Variants in CLSTN2 observed in about 807,000 individuals in gnomAD.
The protein encoded by CLSTN2 is calsyntenin-2.
Under a neutral mutation model 101.2 loss-of-function variants are expected in CLSTN2, and 48 were observed. The observed-to-expected ratio is 0.47, with a 90% CI of 0.38 to 0.60. The LOEUF (loss-of-function observed/expected upper bound fraction) is 0.60. CLSTN2 is among the 20% of genes least tolerant of loss of function. The probability of loss-of-function intolerance (pLI) is 0.00; values close to 1 mark genes in which losing one functional copy is unlikely to be tolerated. For missense variants in CLSTN2, 1,160 were observed against 1,238.2 expected (o/e 0.94, Z 0.95); for synonymous variants, 481 against 463.6 (o/e 1.04, Z -0.48).
chr3:140,182,085 C>A (rs1045833657), intron 2 of CLSTN2, among the ~76,000 whole-genome samples: 2 of 152,160 alleles, frequency 1.3e-5, no homozygotes, highest in Non-Finnish European at 2.9e-5. Context: ...AAGACATCTT[C>A]AATACCACTC....
intron 1 of CLSTN2, among the ~76,000 whole-genome samples, chr3:140,153,370 A>G (rs549523888): frequency 1.3e-5 from 2 of 152,254 alleles, no homozygotes; most frequent in Non-Finnish European, 2.9e-5. Context: ...GGCTGGAGCC[A>G]CCTCCTTGCA....
At chr3:140,272,563 A>T (rs2107890711) in intron 2 of CLSTN2, among the ~76,000 whole-genome samples, 1 of 152,298 alleles carries the variant, frequency 6.6e-6, no homozygotes, top group African/African-American at 2.4e-5. Context: ...CAGCCTGGCC[A>T]ACATGCCAAA....
At chr3:140,200,068 G>C (rs2010698664) in intron 2 of CLSTN2, among the ~76,000 whole-genome samples, 1 of 152,174 alleles carries the variant, frequency 6.6e-6, no homozygotes, top group African/African-American at 2.4e-5. Context: ...CATGAAGGCA[G>C]TTCAGATTTA....
At chr3:140,258,873 T>C (rs2086625773) in intron 2 of CLSTN2, among the ~76,000 whole-genome samples, 1 of 152,210 alleles carries the variant, frequency 6.6e-6, no homozygotes, top group South Asian at 2.1e-4. Context: ...GAATTATCTT[T>C]ATTTTCAAAA....
chr3:140,538,043 A>G (rs947956531), intron 9 of CLSTN2, among the ~76,000 whole-genome samples: 4 of 105,338 alleles, frequency 3.8e-5, no homozygotes, highest in African/African-American at 1.5e-4. Context: ...TGAAATGGCT[A>G]AGCATGTTTG....
chr3:140,142,870 G>A (rs892304851), intron 1 of CLSTN2, among the ~76,000 whole-genome samples: 3 of 152,200 alleles, frequency 2.0e-5, no homozygotes, highest in African/African-American at 7.2e-5. Context: ...CCCACAGGAA[G>A]TCAGAGGTGA....
chr3:140,491,904 T>G (rs1934360260), intron 8 of CLSTN2, among the ~76,000 whole-genome samples: 1 of 152,210 alleles, frequency 6.6e-6, no homozygotes, highest in Admixed American at 6.5e-5. Flanking sequence ...GTTCATTTAC[T>G]TAACAAATAC....
At chr3:140,400,844 C>T (rs944437231) in intron 2 of CLSTN2, among the ~76,000 whole-genome samples, 3 of 152,190 alleles carry the variant, frequency 2.0e-5, no homozygotes, top group Non-Finnish European at 4.4e-5. Context: ...ACTGGGCCTG[C>T]GGTCCCTTGG....
chr3:139,987,412 G>A (rs1258976619), intron 1 of CLSTN2, among the ~76,000 whole-genome samples: 2 of 152,288 alleles, frequency 1.3e-5, no homozygotes, highest in East Asian at 3.9e-4. Context: ...AAACTAGATG[G>A]CAAACAGAGC....
intron 1 of CLSTN2, among the ~76,000 whole-genome samples, chr3:140,118,032 G>T (rs2009275305): frequency 2.6e-5 from 4 of 152,242 alleles, no homozygotes; most frequent in Admixed American, 2.6e-4. Flanking sequence ...CAGCACCTTT[G>T]AAGAAGTAAT....
chr3:140,125,955 G>A (rs1184040728), intron 1 of CLSTN2, among the ~76,000 whole-genome samples: 1 of 152,172 alleles, frequency 6.6e-6, no homozygotes, highest in African/African-American at 2.4e-5. Context: ...GGGGCAGGGG[G>A]CTGGAGGGCC....
intron 8 of CLSTN2, among the ~76,000 whole-genome samples, chr3:140,525,039 AG>A (rs1935108672): frequency 6.6e-6 from 1 of 152,188 alleles, no homozygotes; most frequent in African/African-American, 2.4e-5. Flanking sequence ...TAGAGGAAGA[AG>A]GGGAGAAAAA....
chr3:140,270,534 T>A (rs865988454), intron 2 of CLSTN2, among the ~76,000 whole-genome samples: 1 of 152,262 alleles, frequency 6.6e-6, no homozygotes, highest in Middle Eastern at 3.4e-3. Flanking sequence ...TGGCCGCAAC[T>A]CTAGTGCCTC....
At chr3:139,969,348 T>A (rs1935655693) in intron 1 of CLSTN2, among the ~76,000 whole-genome samples, 1 of 152,094 alleles carries the variant, frequency 6.6e-6, no homozygotes, top group African/African-American at 2.4e-5. Flanking sequence ...CCTGGGGAGG[T>A]TGCATCCTTC....
chr3:140,519,270 A>C (rs1397953970), intron 8 of CLSTN2, among the ~76,000 whole-genome samples: 1 of 152,230 alleles, frequency 6.6e-6, no homozygotes, highest in Non-Finnish European at 1.5e-5. Flanking sequence ...TTCTAGAGGA[A>C]GTGCCATGTG....
intron 1 of CLSTN2, among the ~76,000 whole-genome samples, chr3:140,002,835 T>C (rs2006871581): frequency 6.6e-6 from 1 of 152,182 alleles, no homozygotes; most frequent in South Asian, 2.1e-4. Flanking sequence ...CCCCCCAATG[T>C]ATGTTCTTGT....
intron 5 of CLSTN2, among the ~76,000 whole-genome samples, chr3:140,447,981 A>G (rs950062993): frequency 3.3e-5 from 5 of 152,204 alleles, no homozygotes; most frequent in Admixed American, 6.5e-5. Context: ...ATTTACCTAT[A>G]TAACAAACCT....
intron 2 of CLSTN2, among the ~76,000 whole-genome samples, chr3:140,256,052 A>G (rs2086601215): frequency 6.6e-6 from 1 of 152,142 alleles, no homozygotes; most frequent in Admixed American, 6.5e-5. Context: ...CCCTTTTCCC[A>G]CATTTTTCTG....
At chr3:140,247,410 G>A (rs547488820) in intron 2 of CLSTN2, among the ~76,000 whole-genome samples, 7 of 152,154 alleles carry the variant, frequency 4.6e-5, no homozygotes, top group Non-Finnish European at 7.3e-5. Flanking sequence ...GTGGGCCAGG[G>A]GACCTTTGGG....
Sources: allele counts gnomAD v4.1 joint callset (sites outside exome capture counted in the v4.1 genomes callset), GRCh38; gene constraint gnomAD v4.1.1; transcripts MANE v1.5; gene names NCBI Gene and HGNC (gene_info 2026-07-23, HGNC 2026-07-21).